The following CSMD3 variants were observed in gnomAD, a reference collection of about 807,000 sequenced individuals.
CSMD3 encodes the protein CUB and Sushi multiple domains 3, also known as CUB and sushi domain-containing protein 3.
CSMD3 carries 177 observed loss-of-function variants against 435.2 expected under a neutral mutation model. The observed-to-expected ratio is 0.41, with a 90% CI of 0.36 to 0.46. The LOEUF (loss-of-function observed/expected upper bound fraction) is 0.46, where lower values mean the gene tolerates loss of function less well. Among genes scored for constraint, CSMD3 ranks in the 20% least tolerant of loss-of-function variants. The probability of loss-of-function intolerance (pLI) is 0.34; values close to 1 mark genes in which losing one functional copy is unlikely to be tolerated. For synonymous variants in CSMD3, 1,656 were observed against 1,520.5 expected, an observed-to-expected ratio of 1.09 and a Z score of -2.07; for missense variants, 4,265 against 4,504.6, an observed-to-expected ratio of 0.95 and a Z score of 1.52.
intron 13 of CSMD3, among the ~76,000 whole-genome samples, chr8:112,798,842 AGGTTTCCT>A (rs1318791247): frequency 6.6e-6 from 1 of 151,920 alleles, no homozygotes; most frequent in Non-Finnish European, 1.5e-5. Context: ...TAAGAATGCC[AGGTTTCCT>A]TAGCCATTTA....
intron 13 of CSMD3, among the ~76,000 whole-genome samples, chr8:112,717,897 C>A (rs2076768644): frequency 6.6e-6 from 1 of 152,030 alleles, no homozygotes; most frequent in African/African-American, 2.4e-5. Flanking sequence ...GAATAACACA[C>A]ACCAGGGCCT....
chr8:112,964,842 A>G (rs1351177077), intron 7 of CSMD3, among the ~76,000 whole-genome samples: 1 of 152,018 alleles, frequency 6.6e-6, no homozygotes, highest in African/African-American at 2.4e-5. Context: ...CATGCTTTAG[A>G]ATACAAATGA....
intron 2 of CSMD3, among the ~76,000 whole-genome samples, chr8:113,300,461 G>C (rs2093757185): frequency 6.6e-6 from 1 of 152,136 alleles, no homozygotes; most frequent in African/African-American, 2.4e-5. Flanking sequence ...CAGTTATGTG[G>C]TTAAAGGAAT....
chr8:113,162,573 A>G lies in CSMD3; in HGVS notation c.709+11149T>C, dbSNP rs1162111041. 7.7e-5 allele frequency among the ~76,000 whole-genome samples: 9 copies of G among 117,604 alleles called. No homozygotes were observed. In the Admixed American group the frequency reaches 7.8e-4, roughly 10 times the overall value. The allele number at this position is 117,604 out of a possible 152,430, so 77.2% of individuals were successfully genotyped here. ...AGAGTGAAACTCCGTCCCCACATCAAAAAAAAAAAAAAAAAAAAAACTTGT... is the reference window on the plus strand; with the variant it reads ...AGAGTGAAACTCCGTCCCCACATCAGAAAAAAAAAAAAAAAAAAAACTTGT... On this transcript the variant is annotated intron_variant, in intron 4 of 70. Transcript: ENST00000297405.
At chr8:112,871,588 A>G (rs1376110784) in intron 10 of CSMD3, among the ~76,000 whole-genome samples, 1 of 152,090 alleles carries the variant, frequency 6.6e-6, no homozygotes. Context: ...GAAAAAGTGA[A>G]TTTAAAAAGA....
rs1388509145 is a variant in CSMD3, at chr8:112,870,795, G to C, written c.1634-11529C>G. On this transcript the variant is annotated intron_variant, in intron 10 of 70. Coordinates refer to ENST00000297405, the MANE Select transcript of CSMD3 (RefSeq NM_198123.2). ...AAAGATTAATAAGACAATCAAAGTC[G>C]TTGCCCTAGAGAGATTATATTCTAG... 3.3e-5 allele frequency among the ~76,000 whole-genome samples: 5 copies of C among 151,862 alleles called. No individual in the cohort carries two copies. In the East Asian group the frequency reaches 9.7e-4, roughly 29 times the overall value.
At position 113,230,392 on chromosome 8, in the gene CSMD3, ATAAT is replaced by A. The variant is rs1393093209; in HGVS notation, c.514+48196_514+48199del. On this transcript the variant is annotated intron_variant, in intron 3 of 70. Transcript: ENST00000297405. ...TAATTTTTATGTTGCCTTTCTGTAC[ATAAT>A]TAAATATTCTTGTATAATACTCAAA... 9.9e-5 allele frequency among the ~76,000 whole-genome samples: 15 copies of A among 151,714 alleles called. No homozygotes were observed. In the East Asian group the frequency reaches 2.9e-3, roughly 30 times the overall value.
chr8:112,400,197 T>A (rs1563896394), intron 35 of CSMD3, among the ~76,000 whole-genome samples: 1 of 152,126 alleles, frequency 6.6e-6, no homozygotes, highest in Non-Finnish European at 1.5e-5. Flanking sequence ...GAAATCAAAG[T>A]TTTCTAAAGC....
chr8:112,444,352 T>C (rs1017971029), intron 32 of CSMD3, among the ~76,000 whole-genome samples: 2 of 152,200 alleles, frequency 1.3e-5, no homozygotes, highest in African/African-American at 4.8e-5. Flanking sequence ...ATTTCATTCG[T>C]AGGTATTGAC....
chr8:112,561,733 A>T (rs1828640497), intron 24 of CSMD3, among the ~76,000 whole-genome samples: 1 of 151,702 alleles, frequency 6.6e-6, no homozygotes. Flanking sequence ...CATATTTTTT[A>T]TTACATATCT....
rs949703820 is a variant in CSMD3 at position 113,198,637 on chromosome 8, T to C, written c.515-24721A>G. ...TCCATAATTACATTTTAACTTAGTA[T>C]TAAAATTTTTTTTGGACAGACTAAA... On this transcript the variant is annotated intron_variant, in intron 3 of 70. Coordinates refer to ENST00000297405, the MANE Select transcript of CSMD3 (RefSeq NM_198123.2). 4.5e-4 allele frequency among the ~76,000 whole-genome samples: 68 copies of C among 151,394 alleles called. 1 individual carries two copies. Among genetic ancestry groups the C allele is most frequent in the Admixed American group, 4.0e-4 (6 of 15,128 alleles).
chr8:113,292,564 G>A (rs899035500), intron 2 of CSMD3, among the ~76,000 whole-genome samples: 5 of 151,624 alleles, frequency 3.3e-5, no homozygotes, highest in Admixed American at 2.6e-4. Flanking sequence ...TAGTCTTTGG[G>A]AACAAAAAAT....
At chr8:112,493,795 A>T (rs538503107) in intron 30 of CSMD3, among the ~76,000 whole-genome samples, 466 of 152,268 alleles carry the variant, frequency 3.1e-3, no homozygotes, top group African/African-American at 0.011. Flanking sequence ...ACAGATCTGG[A>T]TGAGGCCTTG....
chr8:113,402,848 A>G (rs903103604), intron 1 of CSMD3, among the ~76,000 whole-genome samples: 3 of 151,328 alleles, frequency 2.0e-5, no homozygotes, highest in African/African-American at 7.2e-5. Context: ...AAACAAAATA[A>G]CAAGAGTATG....
At chr8:112,738,437 G>A (rs934980679) in intron 13 of CSMD3, among the ~76,000 whole-genome samples, 3 of 151,708 alleles carry the variant, frequency 2.0e-5, no homozygotes, top group Non-Finnish European at 2.9e-5. Flanking sequence ...TATTATGCAA[G>A]TAGACCAATA....
chr8:113,167,272 G>T (rs1318088884), intron 4 of CSMD3, among the ~76,000 whole-genome samples: 1 of 152,004 alleles, frequency 6.6e-6, no homozygotes. Context: ...TTATGTGTTT[G>T]GAACTAATTA....
intron 1 of CSMD3, among the ~76,000 whole-genome samples, chr8:113,360,039 T>C (rs2094261401): frequency 6.6e-6 from 1 of 152,168 alleles, no homozygotes. Context: ...TATTACAAAG[T>C]TTACAGGTTT....
At chr8:112,343,010 T>TAA (rs1202216203) in intron 41 of CSMD3, among the ~76,000 whole-genome samples, 6 of 92,848 alleles carry the variant, frequency 6.5e-5, no homozygotes, top group Admixed American at 6.3e-4. Context: ...TTTATATATA[T>TAA]ATATATTTAT....
At chr8:112,616,716 C>G (rs1833688756) in intron 22 of CSMD3, among the ~76,000 whole-genome samples, 1 of 152,076 alleles carries the variant, frequency 6.6e-6, no homozygotes, top group Non-Finnish European at 1.5e-5. Flanking sequence ...GGGATGACAC[C>G]AAACAGGCCA....
Sources: allele counts gnomAD v4.1 joint callset (sites outside exome capture counted in the v4.1 genomes callset), GRCh38; gene constraint gnomAD v4.1.1; transcripts MANE v1.5; gene names NCBI Gene and HGNC (gene_info 2026-07-23, HGNC 2026-07-21).